CUX2: variants seen among roughly 807,000 people sequenced by gnomAD.
The protein encoded by CUX2 is homeobox protein cut-like 2.
In CUX2, 40 loss-of-function variants were observed where a neutral mutation model predicts 144.8. The ratio of observed to expected loss-of-function variants is 0.28; its 90% CI spans 0.21 to 0.36. CUX2 has a LOEUF of 0.36. Among genes scored for constraint, CUX2 ranks in the 10% least tolerant of loss-of-function variants. The pLI, the probability that CUX2 is intolerant of heterozygous loss-of-function variation, is 1.00. For synonymous variants in CUX2, 827 were observed against 875.6 expected (o/e 0.94, Z 0.98); for missense variants, 1,615 against 1,994.0 (o/e 0.81, Z 3.62).
intron 3 of CUX2, among the ~76,000 whole-genome samples, chr12:111,252,110 C>T (rs1883591785): frequency 6.6e-6 from 1 of 152,154 alleles, no homozygotes; most frequent in Non-Finnish European, 1.5e-5. Flanking sequence ...CGCTTGAGCC[C>T]AGGAGTTTGA....
intron 1 of CUX2, among the ~76,000 whole-genome samples, chr12:111,209,104 C>G (rs989090281): frequency 6.6e-6 from 1 of 152,146 alleles, no homozygotes; most frequent in African/African-American, 2.4e-5. Flanking sequence ...TTTTCACAGG[C>G]ACTAGGAACG....
intron 1 of CUX2, among the ~76,000 whole-genome samples, chr12:111,050,730 G>A (rs934988654): frequency 3.3e-5 from 5 of 152,170 alleles, no homozygotes; most frequent in African/African-American, 1.2e-4. Flanking sequence ...TGCCTCTCCC[G>A]CTGGACTTTG....
intron 1 of CUX2, among the ~76,000 whole-genome samples, chr12:111,100,699 G>A (rs1448671607): frequency 6.6e-6 from 1 of 152,238 alleles, no homozygotes; most frequent in Non-Finnish European, 1.5e-5. Context: ...CATGTATTTT[G>A]CATGTGTGTG....
intron 3 of CUX2, among the ~76,000 whole-genome samples, chr12:111,259,401 C>A (rs1883998432): frequency 6.6e-6 from 1 of 152,086 alleles, no homozygotes; most frequent in Non-Finnish European, 1.5e-5. Flanking sequence ...AAAACAGTGA[C>A]CATGCCTTTG....
Position 111,293,388 on chromosome 12 carries a change from T to G in CUX2, c.437-58T>G. Reference sequence around the variant, plus strand: ...ATCGATCCGGTTTACAGAAAGCGGCTCTGGCTGCCACGTTGCTCTCTTGGC... The same window carrying G: ...ATCGATCCGGTTTACAGAAAGCGGCGCTGGCTGCCACGTTGCTCTCTTGGC... On this transcript the variant is annotated intron_variant, in intron 5 of 21. Transcript: ENST00000261726. This position sits in a 1 kb window ranked among gnomAD's most constrained non-coding sequence, Gnocchi z 4.5. 1.9e-6 allele frequency: 3 copies of G among 1,556,224 alleles called. No individual in the cohort carries two copies. The highest frequency in any genetic ancestry group is 2.6e-6 in the Non-Finnish European group (3 of 1,151,486).
Position 111,312,251 on chromosome 12 carries a change from G to C in CUX2, c.2002+50G>C, listed in dbSNP as rs540471007. On this transcript the variant is annotated intron_variant, in intron 16 of 21. Coordinates refer to ENST00000261726, the MANE Select transcript of CUX2 (RefSeq NM_015267.4). This position sits in a 1 kb window ranked among gnomAD's most constrained non-coding sequence, Gnocchi z 4.3. The stretch of plus-strand genomic sequence containing the variant: ...GCCTGAGGCCCCCGGGGCCAGCTGC[G>C]AACAGGAGATGAGGCTTCGTCTACC... The C allele has an allele frequency of 6.7e-7, 1 of 1,490,676 alleles. No individual in the cohort carries two copies. The highest frequency in any genetic ancestry group is 2.0e-5 in the Admixed American group (1 of 50,466). 92.3% of individuals were successfully genotyped at this position (1,490,676 alleles called of 1,614,324 possible).
At chr12:111,081,919 C>T (rs1445244855) in intron 1 of CUX2, among the ~76,000 whole-genome samples, 9 of 152,206 alleles carry the variant, frequency 5.9e-5, no homozygotes, top group South Asian at 2.1e-4. Flanking sequence ...GTATTGAGGC[C>T]GTAACCCCCC....
At chr12:111,063,895 G>A (rs1243734069) in intron 1 of CUX2, among the ~76,000 whole-genome samples, 2 of 152,184 alleles carry the variant, frequency 1.3e-5, no homozygotes, top group African/African-American at 4.8e-5. Flanking sequence ...TTGGGTAAAT[G>A]TGTGTTTACG....
At chr12:111,311,081 A>G (rs949906079) in intron 15 of CUX2, among the ~76,000 whole-genome samples, 1 of 152,176 alleles carries the variant, frequency 6.6e-6, no homozygotes, top group Non-Finnish European at 1.5e-5. Flanking sequence ...TGGCCTCACA[A>G]ATGCCTGAGT....
At position 111,296,649 on chromosome 12, in the gene CUX2, C is replaced by A. The variant is rs112289360; in HGVS notation, c.704+110C>A. 5,714 of 960,390 alleles carry A rather than the reference C, an allele frequency of 5.9e-3. 158 individuals are homozygous for A. The African/African-American group carries it at 0.081, about 14-fold the overall frequency. The allele number at this position is 960,390 out of a possible 1,614,324, so 59.5% of individuals were successfully genotyped here. Reference sequence around the variant, plus strand: ...CCTCCCTCTGACCCTCCCAGACACACCTCCTCCCTCTGACCCTCCAGTACT... The same window carrying A: ...CCTCCCTCTGACCCTCCCAGACACAACTCCTCCCTCTGACCCTCCAGTACT... On this transcript the variant is annotated intron_variant, in intron 8 of 21. Coordinates refer to ENST00000261726, the MANE Select transcript of CUX2 (RefSeq NM_015267.4).
rs992513099 is a variant in CUX2 at position 111,140,161 on chromosome 12, T to C, written c.64-74039T>C. Among the ~76,000 whole-genome samples, 81 of 152,202 alleles carry C rather than the reference T, an allele frequency of 5.3e-4. 1 individual carries two copies. The highest frequency in any genetic ancestry group is 1.9e-3 in the African/African-American group (77 of 41,448). On this transcript the variant is annotated intron_variant, in intron 1 of 21. Transcript: ENST00000261726. ...AAGACATTTTTTCAGTGTTGAAACC[T>C]TCCAGGTCAGCGCTGCTTGCAAAAA...
At chr12:111,106,989 G>A (rs1334925337) in intron 1 of CUX2, among the ~76,000 whole-genome samples, 1 of 152,194 alleles carries the variant, frequency 6.6e-6, no homozygotes, top group East Asian at 1.9e-4. Context: ...AGGCCCACAT[G>A]GTGGCAAGAT....
chr12:111,173,223 CTTG>C (rs1350898878), intron 1 of CUX2, among the ~76,000 whole-genome samples: 3 of 152,158 alleles, frequency 2.0e-5, no homozygotes, highest in Admixed American at 6.5e-5. Context: ...GGTTGATGTT[CTTG>C]TTGTTCTAAT....
chr12:111,192,512 C>T (rs909638709), intron 1 of CUX2, among the ~76,000 whole-genome samples: 1 of 151,774 alleles, frequency 6.6e-6, no homozygotes. Flanking sequence ...CCAGCTCATG[C>T]CTTTTTCCTG....
intron 1 of CUX2, among the ~76,000 whole-genome samples, chr12:111,134,618 C>CTGTGTGTGTGTGTGTGTGTG (rs773865569): frequency 1.4e-4 from 20 of 146,232 alleles, no homozygotes; most frequent in African/African-American, 4.6e-4. Flanking sequence ...CTCTCTCTCT[C>CTGTGTGTGTGTGTGTGTGTG]TCTGTGTGTG....
In CUX2 at chr12:111,295,415, T is replaced by C; in HGVS notation, c.637+6T>C. 6.2e-7 allele frequency: 1 copy of C among 1,610,662 alleles called. No homozygotes were observed. Among genetic ancestry groups the C allele is most frequent in the Non-Finnish European group, 8.5e-7 (1 of 1,178,598 alleles). On this transcript the variant is annotated splice_donor_region_variant and intron_variant, in intron 7 of 21. Transcript: ENST00000261726. The surrounding 1 kb of genome is among the most constrained non-coding windows in gnomAD (Gnocchi z 5.0). ...AATCAAAGTCCTACATTCAGGTATGTGTCGGCACCATGTGGCCTAGAGGGA... is the reference window on the plus strand; with the variant it reads ...AATCAAAGTCCTACATTCAGGTATGCGTCGGCACCATGTGGCCTAGAGGGA...
intron 18 of CUX2, among the ~76,000 whole-genome samples, chr12:111,325,654 G>T: frequency 9.4e-6 from 1 of 106,742 alleles, no homozygotes; most frequent in South Asian, 3.2e-4. Context: ...TGTTTATAGT[G>T]TTGTGGTGGG....
At chr12:111,063,331 A>G (rs2136023050) in intron 1 of CUX2, among the ~76,000 whole-genome samples, 1 of 152,158 alleles carries the variant, frequency 6.6e-6, no homozygotes, top group East Asian at 1.9e-4. Context: ...CAGCAAGCAA[A>G]CACCCCCTCC....
chr12:111,214,387 CTG>C (rs766003070), intron 2 of CUX2, 77 bp downstream of exon 2: 25 of 833,900 alleles, frequency 3.0e-5, no homozygotes, highest in Non-Finnish European at 4.4e-5. Flanking sequence ...ATTTTGAAAA[CTG>C]TAGATGCAAG....
Sources: gnomAD v4.1 joint callset for allele counts (sites outside exome capture counted in the v4.1 genomes callset) on GRCh38, gnomAD v4.1.1 for gene constraint, Gnocchi (gnomAD v3.1) non-coding constraint, MANE v1.5 for transcripts, NCBI Gene and HGNC (gene_info 2026-07-23, HGNC 2026-07-21) for gene names.